The following NF1 variants were observed in gnomAD, a reference collection of about 807,000 sequenced individuals.
The protein encoded by NF1 is neurofibromin 1.
A neutral mutation model predicts 325.7 loss-of-function variants in NF1; 122 were observed. The observed-to-expected ratio is 0.37, with a 90% CI of 0.32 to 0.44. The LOEUF is 0.44. NF1 is among the 20% of genes least tolerant of loss of function. The probability of loss-of-function intolerance (pLI) is 1.00; values close to 1 mark genes in which losing one functional copy is unlikely to be tolerated. For synonymous variants in NF1, 1,091 were observed against 1,186.0 expected, an observed-to-expected ratio of 0.92 and a Z score of 1.65; for missense variants, 2,140 against 3,415.4, an observed-to-expected ratio of 0.63 and a Z score of 9.31.
intron 13 of NF1, among the ~76,000 whole-genome samples, chr17:31,215,452 G>T (rs748125480): frequency 5.3e-5 from 8 of 152,142 alleles, no homozygotes; most frequent in Non-Finnish European, 7.3e-5. Flanking sequence ...ATGTGATTTG[G>T]ATGACTATTT....
At position 31,285,335 on chromosome 17, in the gene NF1, C is replaced by G. The variant is rs2068205861; in HGVS notation, c.4835+19996C>G. 2.0e-5 allele frequency among the ~76,000 whole-genome samples: 3 copies of G among 150,622 alleles called. No homozygotes were observed. The South Asian group carries it at 6.3e-4, about 32-fold the overall frequency. ...AACAACCATGTAAGAATAAATGCAT[C>G]CAAATGAACGTTGTTCATCTCAGAA... On this transcript the variant is annotated intron_variant, in intron 36 of 57. Transcript: ENST00000358273.
intron 1 of NF1, among the ~76,000 whole-genome samples, chr17:31,098,775 T>TA (rs1193350630): frequency 6.6e-6 from 1 of 151,538 alleles, no homozygotes; most frequent in Non-Finnish European, 1.5e-5. Flanking sequence ...CTACTAAAAA[T>TA]ACAAAAATTA....
chr17:31,229,064 A>C lies in NF1; in HGVS notation c.2449A>C (p.Met817Leu). 7 of 1,611,684 alleles carry C rather than the reference A, an allele frequency of 4.3e-6. No individual in the cohort carries two copies. Among genetic ancestry groups the C allele is most frequent in the Non-Finnish European group, 5.1e-6 (6 of 1,179,572 alleles). ...TCACAAGACCATTGTTAAGAGGCGA[A>C]TGTCCCATGTGAGTGGAGGAGGATC... ...SLHKTIVKRR[M>L]SHVSGGGSID... is the part of the protein sequence containing the mutation. Residue 817 changes from methionine to leucine, a missense_variant, in exon 21 of 58, where the codon ATG becomes CTG. Met to Leu is a conservative substitution (Grantham distance 15, BLOSUM62 2). This residue lies in a region of NF1 where 380 missense variants were observed against 639.3 expected (regional missense o/e 0.59). Transcript: ENST00000358273.
intron 1 of NF1, among the ~76,000 whole-genome samples, chr17:31,148,399 T>C (rs2143576515): frequency 6.6e-6 from 1 of 151,258 alleles, no homozygotes; most frequent in African/African-American, 2.4e-5. Context: ...TATGTCTTTT[T>C]TTTTTTTTTT....
intron 25 of NF1, among the ~76,000 whole-genome samples, 199 bp downstream of exon 25, chr17:31,232,388 A>G (rs1230133751): frequency 6.6e-6 from 1 of 152,138 alleles, no homozygotes; most frequent in Non-Finnish European, 1.5e-5. Flanking sequence ...GTCATTTACA[A>G]AAGTGACATT....
chr17:31,277,219 C>A (rs2068026037), intron 36 of NF1, among the ~76,000 whole-genome samples: 1 of 152,032 alleles, frequency 6.6e-6, no homozygotes, highest in Non-Finnish European at 1.5e-5. Context: ...AAGTAAACCT[C>A]TGTATAAGTG....
intron 36 of NF1, among the ~76,000 whole-genome samples, chr17:31,287,434 C>A (rs1013357222): frequency 2.0e-5 from 3 of 152,168 alleles, no homozygotes; most frequent in Non-Finnish European, 4.4e-5. Context: ...TGCTGTTAAA[C>A]CACCAATATA....
At chr17:31,197,310 T>G (rs1011836719) in intron 8 of NF1, among the ~76,000 whole-genome samples, 15 of 149,942 alleles carry the variant, frequency 1.0e-4, no homozygotes, top group Non-Finnish European at 1.6e-4. Flanking sequence ...CCTCCCAAAG[T>G]GCTGGGATTA....
At chr17:31,251,810 G>A (rs1408366097) in intron 30 of NF1, 5 of 208,928 alleles carry the variant, frequency 2.4e-5, no homozygotes, top group Non-Finnish European at 4.9e-5. Context: ...GCCTAGAATG[G>A]TATTTGACCT....
intron 1 of NF1, among the ~76,000 whole-genome samples, chr17:31,151,196 C>T (rs1916919065): frequency 6.6e-6 from 1 of 152,014 alleles, no homozygotes; most frequent in African/African-American, 2.4e-5. Context: ...TTCAAGTTGC[C>T]AAGAGTATTC....
chr17:31,352,486 A>AT (rs2070175530), intron 51 of NF1, 72 bp downstream of exon 51: 2 of 1,383,570 alleles, frequency 1.4e-6, no homozygotes, highest in Admixed American at 5.5e-5. Context: ...TTGGAAAATT[A>AT]TTTGAAATTT....
intron 47 of NF1, among the ~76,000 whole-genome samples, chr17:31,341,335 G>C (rs987224291): frequency 1.3e-5 from 2 of 151,910 alleles, no homozygotes; most frequent in African/African-American, 4.8e-5. Context: ...GAACAGCCTG[G>C]GCAACTTGCA....
At chr17:31,255,192 AAGTGT>A (rs1428729111) in intron 31 of NF1, among the ~76,000 whole-genome samples, 1 of 152,168 alleles carries the variant, frequency 6.6e-6, no homozygotes, top group African/African-American at 2.4e-5. Flanking sequence ...GCTCTTGCTG[AAGTGT>A]AGTTTATGAC....
intron 49 of NF1, 29 bp from the exon 50 acceptor site, chr17:31,350,154 T>C: frequency 5.0e-6 from 8 of 1,613,696 alleles, no homozygotes; most frequent in Non-Finnish European, 5.9e-6. Flanking sequence ...TTTGTTAAAT[T>C]TTTTAACCTG....
chr17:31,297,516 A>G (rs2068492336), intron 36 of NF1: 1 of 152,216 alleles, frequency 6.6e-6, no homozygotes, highest in African/African-American at 2.4e-5. Flanking sequence ...ATTGGGTTCC[A>G]TATTTTAACA....
rs2144027872 is a variant in NF1 at position 31,225,238 on chromosome 17, G to A, written c.1989G>A (p.Gly663=). The part of the protein sequence containing the change: ...TPGASLRKGK[G]NSSMDSAAGC... ...GAGCCTCTCTCCGGAAGGGAAAAGGGAACTCCTCTATGGTCAGCTTCTTCT... is the reference window on the plus strand; with the variant it reads ...GAGCCTCTCTCCGGAAGGGAAAAGGAAACTCCTCTATGGTCAGCTTCTTCT... Residue 663 remains glycine, a synonymous_variant, in exon 17 of 58, where the codon GGG becomes GGA. Coordinates refer to ENST00000358273, the MANE Select transcript of NF1 (RefSeq NM_001042492.3). The A allele has an allele frequency of 1.2e-6, 2 of 1,613,624 alleles. No individual in the cohort carries two copies. The highest frequency in any genetic ancestry group is 1.7e-6 in the Non-Finnish European group (2 of 1,179,652).
chr17:31,161,846 G>T (rs548927979), intron 3 of NF1, among the ~76,000 whole-genome samples: 1 of 151,874 alleles, frequency 6.6e-6, no homozygotes, highest in Non-Finnish European at 1.5e-5. Context: ...GACCAGCCTG[G>T]CCAACATGGC....
chr17:31,342,064 A>G (rs1384393972), intron 47 of NF1, among the ~76,000 whole-genome samples: 1 of 152,190 alleles, frequency 6.6e-6, no homozygotes, highest in African/African-American at 2.4e-5. Context: ...TGGAACAGAT[A>G]TGGGTCTGAA....
rs371321619 is a variant in NF1, at chr17:31,308,112, G to T, written c.4836-17708G>T. Among the ~76,000 whole-genome samples the T allele has an allele frequency of 9.2e-5, 14 of 151,820 alleles. 1 individual carries two copies. The highest frequency in any genetic ancestry group is 2.9e-4 in the African/African-American group (12 of 41,408). On this transcript the variant is annotated intron_variant, in intron 36 of 57. Transcript: ENST00000358273. Reference sequence around the variant, plus strand: ...CAGGTTACTACTGCCTTGCTTGAGGGTTTAATTTCTGTTAAGATAAAACTT... The same window carrying T: ...CAGGTTACTACTGCCTTGCTTGAGGTTTTAATTTCTGTTAAGATAAAACTT...
Sources: gnomAD v4.1 joint callset for allele counts (sites outside exome capture counted in the v4.1 genomes callset) on GRCh38, gnomAD v4.1.1 for gene constraint, gnomAD v4.1.1 regional missense constraint, MANE v1.5 for transcripts, NCBI Gene and HGNC (gene_info 2026-07-23, HGNC 2026-07-21) for gene names.